The following C9orf57 variants were observed in gnomAD, a reference collection of about 807,000 sequenced individuals.
The protein encoded by C9orf57 is chromosome 9 open reading frame 57, also known as uncharacterized protein C9orf57.
Under a neutral mutation model 12.9 loss-of-function variants are expected in C9orf57, and 12 were observed. That is an observed-to-expected ratio of 0.93 (90% CI 0.60 to 1.51). C9orf57 has a LOEUF of 1.51. Among genes scored for constraint, C9orf57 ranks in the 40% most tolerant of loss-of-function variants. The probability of loss-of-function intolerance (pLI) is 0.00; values close to 1 mark genes in which losing one functional copy is unlikely to be tolerated. For missense variants in C9orf57, 141 were observed against 162.8 expected, an observed-to-expected ratio of 0.87 and a Z score of 0.73; for synonymous variants, 49 against 57.1, an observed-to-expected ratio of 0.86 and a Z score of 0.64.
chr9:72,059,167 C>A, intron 2 of C9orf57, 68 bp downstream of exon 2: 1 of 1,538,932 alleles, frequency 6.5e-7, no homozygotes, highest in Non-Finnish European at 8.8e-7. Context: ...GCGTGAGCCG[C>A]CACGCTCGGC....
At chr9:72,056,664 G>C in intron 3 of C9orf57, 120 bp downstream of exon 3, 1 of 963,778 alleles carries the variant, frequency 1.0e-6, no homozygotes, top group Admixed American at 2.9e-5. Flanking sequence ...TCATTGTTTT[G>C]TTGGTGTAAT....
chr9:72,055,117 T>G (rs907180601), intron 4 of C9orf57, among the ~76,000 whole-genome samples: 3 of 150,998 alleles, frequency 2.0e-5, no homozygotes, highest in Admixed American at 2.0e-4. Flanking sequence ...TATTTTTTTT[T>G]GTAGAGACAG....
At chr9:72,059,469 CA>C in intron 1 of C9orf57, 85 bp from the exon 2 acceptor site, 1 of 1,404,188 alleles carries the variant, frequency 7.1e-7, no homozygotes, top group Non-Finnish European at 9.6e-7. Flanking sequence ...TTCATTAAGA[CA>C]ATATAAATAA....
chr9:72,059,680 G>C (rs1458474807), intron 1 of C9orf57, among the ~76,000 whole-genome samples: 1 of 152,124 alleles, frequency 6.6e-6, no homozygotes, highest in Admixed American at 6.6e-5. Flanking sequence ...AATTAGCCAG[G>C]TGTGGTTGTG....
At chr9:72,058,337 T>G (rs1824251177) in intron 2 of C9orf57, among the ~76,000 whole-genome samples, 1 of 152,054 alleles carries the variant, frequency 6.6e-6, no homozygotes, top group East Asian at 1.9e-4. Flanking sequence ...ATTTTTTGTA[T>G]TTTAGTAGAG....
In C9orf57 at chr9:72,054,029, G is replaced by A. The variant is rs572095830; in HGVS notation, c.281-1594C>T. Among the ~76,000 whole-genome samples the A allele has an allele frequency of 2.0e-4, 30 of 152,214 alleles. 2 individuals carry two copies. Among genetic ancestry groups the A allele is most frequent in the African/African-American group, 6.5e-4 (27 of 41,528 alleles). ...TTGTATTTTTTTGAGATGGTGTTTC[G>A]CTCTTGTTGCCCATGCTGGAGTGCA... On this transcript the variant is annotated intron_variant, in intron 4 of 4. Transcript: ENST00000651200.
intron 2 of C9orf57, among the ~76,000 whole-genome samples, chr9:72,057,886 G>A (rs1200501985): frequency 1.3e-5 from 2 of 152,026 alleles, no homozygotes; most frequent in Non-Finnish European, 2.9e-5. Context: ...TGTTTATATA[G>A]AAATAGCCCA....
At chr9:72,053,956 C>T (rs1224672842) in intron 4 of C9orf57, among the ~76,000 whole-genome samples, 2 of 152,192 alleles carry the variant, frequency 1.3e-5, no homozygotes, top group African/African-American at 4.8e-5. Context: ...GCATGTAACA[C>T]AGTTGAATGA....
At chr9:72,054,942 A>G (rs1358064064) in intron 4 of C9orf57, among the ~76,000 whole-genome samples, 4 of 118,834 alleles carry the variant, frequency 3.4e-5, no homozygotes, top group Non-Finnish European at 5.1e-5. Flanking sequence ...TTTTTGAGAC[A>G]ATGTCTTACT....
chr9:72,059,400 A>G lies in C9orf57; in HGVS notation c.-53-16T>C. 1 of 1,551,248 alleles carries G rather than the reference A, an allele frequency of 6.4e-7. No individual in the cohort carries two copies. Among genetic ancestry groups the G allele is most frequent in the Non-Finnish European group, 8.7e-7 (1 of 1,146,818 alleles). On this transcript the variant is annotated splice_polypyrimidine_tract_variant and intron_variant, in intron 1 of 4. Transcript: ENST00000651200. Reference sequence around the variant, plus strand: ...CCACTGATTTCTGGGGAAGCAATAAAGTTACACATTTATGTTAGCTATTTT... The same window carrying G: ...CCACTGATTTCTGGGGAAGCAATAAGGTTACACATTTATGTTAGCTATTTT...
At chr9:72,057,719 A>G (rs919795497) in intron 2 of C9orf57, among the ~76,000 whole-genome samples, 5 of 152,220 alleles carry the variant, frequency 3.3e-5, no homozygotes, top group Non-Finnish European at 7.3e-5. Flanking sequence ...AGAAAATTTA[A>G]TTTCAGCCAC....
At chr9:72,056,723 T>C in intron 3 of C9orf57, 61 bp downstream of exon 3, 1 of 1,503,030 alleles carries the variant, frequency 6.7e-7, no homozygotes, top group Non-Finnish European at 9.0e-7. Context: ...TGAAAGTTTG[T>C]TGTGATAAGC....
rs1352649055 is a variant in C9orf57, at chr9:72,056,705, C to T, written c.157+79G>A. 8 of 1,425,916 alleles carry T rather than the reference C, an allele frequency of 5.6e-6. No homozygotes were observed. The Admixed American group carries it at 1.6e-4, about 29-fold the overall frequency. The allele number at this position is 1,425,916 out of a possible 1,614,324, so 88.3% of individuals were successfully genotyped here. On this transcript the variant is annotated intron_variant, in intron 3 of 4. Transcript: ENST00000651200. ...CCTGGCAAAGCCCTTAGTGTAGCATCTGGCATATGAAAGTTTGTTGTGATA... is the reference window on the plus strand; with the variant it reads ...CCTGGCAAAGCCCTTAGTGTAGCATTTGGCATATGAAAGTTTGTTGTGATA...
chr9:72,056,269 T>C, intron 3 of C9orf57, 73 bp from the exon 4 acceptor site: 3 of 1,212,278 alleles, frequency 2.5e-6, no homozygotes, highest in Non-Finnish European at 3.3e-6. Context: ...GGAAGAGAGA[T>C]CAAAAAAATA....
intron 2 of C9orf57, among the ~76,000 whole-genome samples, chr9:72,057,636 C>T (rs1352733835): frequency 6.6e-6 from 1 of 152,134 alleles, no homozygotes; most frequent in Non-Finnish European, 1.5e-5. Flanking sequence ...CCCAGGTGGT[C>T]TAAACAACTT....
chr9:72,055,271 C>CCTGCCTTCCTTCCTGCCTTG (rs1185571332), intron 4 of C9orf57, among the ~76,000 whole-genome samples: 1 of 151,680 alleles, frequency 6.6e-6, no homozygotes. Context: ...TCCATTGTTT[C>CCTGCCTTCCTTCCTGCCTTG]CTGCCTTCCT....
At position 72,059,215 on chromosome 9, in the gene C9orf57, A is replaced by G. The variant is rs1240956699; in HGVS notation, c.97+20T>C. ...TAATAATTTTCTATCCTTTTAACTT[A>G]TGCTTTCCTAATGACTTACCACCTA... On this transcript the variant is annotated intron_variant, in intron 2 of 4. Coordinates refer to ENST00000651200, the MANE Select transcript of C9orf57 (RefSeq NM_001128618.2). The G allele has an allele frequency of 1.9e-6, 3 of 1,551,322 alleles. No individual in the cohort carries two copies. The highest frequency in any genetic ancestry group is 2.0e-5 in the Admixed American group (1 of 50,884).
In C9orf57 at chr9:72,051,534, T is replaced by C. The variant is rs1188244337; in HGVS notation, c.*762A>G. On this transcript the variant is annotated 3_prime_UTR_variant, in exon 5 of 5. Transcript: ENST00000651200. ...AATAGAAGACGTAATGATCGCAAAA[T>C]GGGAAATGTAGTTCAAAGTACGTTC... The C allele has an allele frequency of 6.6e-6, 1 of 152,170 alleles. No individual in the cohort carries two copies. The highest frequency in any genetic ancestry group is 1.5e-5 in the Non-Finnish European group (1 of 68,042). 9.4% of individuals were successfully genotyped at this position (152,170 alleles called of 1,614,324 possible).
chr9:72,055,759 G>A (rs937439122), intron 4 of C9orf57, among the ~76,000 whole-genome samples: 3 of 152,092 alleles, frequency 2.0e-5, no homozygotes, highest in Admixed American at 6.6e-5. Flanking sequence ...TTGTGAGTAC[G>A]TGAGTGGTGT....
Sources: gnomAD v4.1 joint callset for allele counts (sites outside exome capture counted in the v4.1 genomes callset) on GRCh38, gnomAD v4.1.1 for gene constraint, MANE v1.5 for transcripts, NCBI Gene and HGNC (gene_info 2026-07-23, HGNC 2026-07-21) for gene names.